Variants in ADAM12 observed in about 807,000 individuals in gnomAD.
The protein encoded by ADAM12 is ADAM metallopeptidase domain 12.
ADAM12 carries 70 observed loss-of-function variants against 106.4 expected under a neutral mutation model. The ratio of observed to expected loss-of-function variants is 0.66; its 90% CI spans 0.54 to 0.80. The LOEUF is 0.80. ADAM12 is among the 30% of genes least tolerant of loss of function. The pLI, the probability that ADAM12 is intolerant of heterozygous loss-of-function variation, is 0.00. For missense variants in ADAM12, 1,010 were observed against 1,171.9 expected (o/e 0.86, Z 2.02); for synonymous variants, 420 against 433.5 (o/e 0.97, Z 0.39).
intron 3 of ADAM12, among the ~76,000 whole-genome samples, chr10:126,225,327 A>G (rs7069895): frequency 0.98 from 148,946 of 152,294 alleles, 72,877 homozygotes; most frequent in Non-Finnish European, 1. Flanking sequence ...TATGTCACAC[A>G]CTTGGGGAGT....
At chr10:126,282,423 C>A (rs1246021958) in intron 2 of ADAM12, among the ~76,000 whole-genome samples, 1 of 152,102 alleles carries the variant, frequency 6.6e-6, no homozygotes, top group Non-Finnish European at 1.5e-5. Flanking sequence ...TCCCTTATTC[C>A]CAACCAGTGG....
At chr10:126,354,488 G>C (rs1469592182) in intron 1 of ADAM12, among the ~76,000 whole-genome samples, 1 of 152,126 alleles carries the variant, frequency 6.6e-6, no homozygotes, top group Admixed American at 6.5e-5. Flanking sequence ...GCAACCACAG[G>C]ACTGAGTGAG....
chr10:126,184,524 T>G (rs1333170597), intron 3 of ADAM12, among the ~76,000 whole-genome samples: 3 of 152,168 alleles, frequency 2.0e-5, no homozygotes, highest in African/African-American at 7.2e-5. Flanking sequence ...CCAATTCTTA[T>G]GATGAAGTGG....
intron 4 of ADAM12, among the ~76,000 whole-genome samples, chr10:126,142,486 C>T (rs559968464): frequency 2.0e-5 from 3 of 152,348 alleles, no homozygotes; most frequent in Admixed American, 2.0e-4. Flanking sequence ...TTTAAGAACA[C>T]CTTTAAGCAG....
chr10:126,298,123 T>C (rs1350126504), intron 2 of ADAM12, among the ~76,000 whole-genome samples: 2 of 152,014 alleles, frequency 1.3e-5, no homozygotes, highest in African/African-American at 2.4e-5. Context: ...TGACATCATC[T>C]AGCGGCTCAA....
intron 3 of ADAM12, among the ~76,000 whole-genome samples, chr10:126,249,571 G>A (rs907754844): frequency 2.0e-5 from 3 of 152,160 alleles, no homozygotes; most frequent in Non-Finnish European, 4.4e-5. Context: ...GGTGGCGGGC[G>A]CCTGTGCCTG....
At chr10:126,132,214 C>T (rs1022331865) in intron 5 of ADAM12, among the ~76,000 whole-genome samples, 1 of 152,146 alleles carries the variant, frequency 6.6e-6, no homozygotes, top group African/African-American at 2.4e-5. Context: ...ACCTTGTGAT[C>T]CACCCGCCTC....
chr10:126,125,009 T>A (rs1036627094), intron 5 of ADAM12, among the ~76,000 whole-genome samples: 16 of 152,008 alleles, frequency 1.1e-4, no homozygotes, highest in Admixed American at 9.8e-4. Context: ...GCTCCTTTTT[T>A]AAATTTCAGT....
intron 6 of ADAM12, 82 bp downstream of exon 6, chr10:126,117,956 T>G: frequency 6.7e-7 from 1 of 1,486,138 alleles, no homozygotes; most frequent in East Asian, 2.3e-5. Flanking sequence ...GATGGCAACA[T>G]TTCTCCAGAT....
chr10:126,131,622 AAG>A (rs1048565536), intron 5 of ADAM12, among the ~76,000 whole-genome samples: 7 of 152,142 alleles, frequency 4.6e-5, no homozygotes, highest in Non-Finnish European at 1.0e-4. Flanking sequence ...TACACGCACA[AAG>A]AGAGGTCACG....
chr10:126,341,506 C>T (rs1254573462), intron 1 of ADAM12, among the ~76,000 whole-genome samples: 1 of 152,194 alleles, frequency 6.6e-6, no homozygotes, highest in Non-Finnish European at 1.5e-5. Context: ...ATGCACACAA[C>T]CAAATCCACA....
intron 3 of ADAM12, among the ~76,000 whole-genome samples, chr10:126,262,228 G>T (rs1959016224): frequency 6.6e-6 from 1 of 152,054 alleles, no homozygotes. Context: ...TATCAGTACT[G>T]AAATTTAATT....
chr10:126,355,795 G>C (rs1305853196), intron 1 of ADAM12, among the ~76,000 whole-genome samples: 1 of 152,176 alleles, frequency 6.6e-6, no homozygotes, highest in Non-Finnish European at 1.5e-5. Context: ...AAGGAGACAG[G>C]GCCCACAGCA....
intron 3 of ADAM12, among the ~76,000 whole-genome samples, chr10:126,192,851 G>A (rs1051192172): frequency 6.6e-6 from 1 of 152,262 alleles, no homozygotes; most frequent in African/African-American, 2.4e-5. Context: ...GTCTAGAGCT[G>A]CGGGTTTCTA....
intron 3 of ADAM12, among the ~76,000 whole-genome samples, chr10:126,166,613 C>T (rs147788192): frequency 2.0e-4 from 31 of 152,288 alleles, no homozygotes; most frequent in Middle Eastern, 6.8e-3. Context: ...ATTCTCCTGC[C>T]CCAGCCTCCC....
chr10:126,121,501 T>TAG (rs1565074685), intron 5 of ADAM12, among the ~76,000 whole-genome samples: 1 of 138,448 alleles, frequency 7.2e-6, no homozygotes. Flanking sequence ...CAATATATAA[T>TAG]ATAATAGAAA....
intron 2 of ADAM12, among the ~76,000 whole-genome samples, chr10:126,324,235 T>A (rs563108071): frequency 6.6e-6 from 1 of 152,334 alleles, no homozygotes; most frequent in Non-Finnish European, 1.5e-5. Flanking sequence ...GGGTTCAGGA[T>A]GGGTTTCACA....
intron 5 of ADAM12, among the ~76,000 whole-genome samples, chr10:126,129,426 T>C (rs1956264944): frequency 6.6e-6 from 1 of 152,186 alleles, no homozygotes; most frequent in Admixed American, 6.5e-5. Context: ...GTCTATCCCA[T>C]TACAAAGTAC....
In ADAM12 at chr10:126,213,118, A is replaced by G. The variant is rs558301996; in HGVS notation, c.261-57813T>C. Among the ~76,000 whole-genome samples the G allele has an allele frequency of 5.9e-5, 9 of 152,290 alleles. 1 individual carries two copies. The East Asian group carries it at 1.7e-3, about 29-fold the overall frequency. ...CCAGCACAGTGTTGAGCAGATAATA[A>G]GTGCTCAATAAATACCTGTAGAAGG... On this transcript the variant is annotated intron_variant, in intron 3 of 22. Coordinates refer to ENST00000448723, the MANE Select transcript of ADAM12 (RefSeq NM_001288973.2).
Sources: gnomAD v4.1 joint callset for allele counts (sites outside exome capture counted in the v4.1 genomes callset) on GRCh38, gnomAD v4.1.1 for gene constraint, MANE v1.5 for transcripts, NCBI Gene and HGNC (gene_info 2026-07-23, HGNC 2026-07-21) for gene names.